PARD3B: variants seen among roughly 807,000 people sequenced by gnomAD.
PARD3B encodes partitioning defective 3 homolog B.
Under a neutral mutation model 130.2 loss-of-function variants are expected in PARD3B, and 103 were observed. The ratio of observed to expected loss-of-function variants is 0.79; its 90% CI spans 0.67 to 0.93. The LOEUF (loss-of-function observed/expected upper bound fraction) is 0.93, where lower values mean the gene tolerates loss of function less well. Among genes scored for constraint, PARD3B ranks in the 40% least tolerant of loss-of-function variants. The probability of loss-of-function intolerance (pLI) is 0.00; values close to 1 mark genes in which losing one functional copy is unlikely to be tolerated. For synonymous variants in PARD3B, 583 were observed against 553.2 expected (o/e 1.05, Z -0.76); for missense variants, 1,609 against 1,499.2 (o/e 1.07, Z -1.21).
intron 2 of PARD3B, among the ~76,000 whole-genome samples, chr2:204,931,823 G>A (rs141536113): frequency 7.2e-5 from 11 of 152,098 alleles, no homozygotes; most frequent in African/African-American, 2.7e-4. Flanking sequence ...CAGTCTAATT[G>A]CTAAAGTTTC....
Position 204,675,972 on chromosome 2 carries a change from C to T in PARD3B, c.121-10209C>T, listed in dbSNP as rs1444235187. Among the ~76,000 whole-genome samples the T allele has an allele frequency of 6.6e-6, 1 of 151,372 alleles. No homozygotes were observed. The highest frequency in any genetic ancestry group is 1.5e-5 in the Non-Finnish European group (1 of 67,950). On this transcript the variant is annotated intron_variant, in intron 1 of 22. Coordinates refer to ENST00000406610, the MANE Select transcript of PARD3B (RefSeq NM_001302769.2). This position sits in a 1 kb window ranked among gnomAD's most constrained non-coding sequence, Gnocchi z 4.4. ...ATGGCTTAACCTTTGTTAAGCCATA[C>T]TGGTTTATACATAATGGTTTATACT...
At chr2:204,975,957 C>T (rs186461532) in intron 3 of PARD3B, among the ~76,000 whole-genome samples, 1 of 152,288 alleles carries the variant, frequency 6.6e-6, no homozygotes, top group Non-Finnish European at 1.5e-5. Context: ...AAGTACCTTC[C>T]TTGACTGCCT....
intron 18 of PARD3B, among the ~76,000 whole-genome samples, chr2:205,362,235 G>C (rs2044416483): frequency 6.6e-6 from 1 of 152,016 alleles, no homozygotes. Flanking sequence ...ATTAAATATA[G>C]GTATTATTAT....
chr2:204,894,674 C>A (rs1253981559), intron 2 of PARD3B, among the ~76,000 whole-genome samples: 2 of 151,844 alleles, frequency 1.3e-5, no homozygotes, highest in African/African-American at 2.4e-5. Flanking sequence ...ACTGTAAAAC[C>A]CAACCCCCAA....
In PARD3B at chr2:204,610,458, C is replaced by T. The variant is rs752340349; in HGVS notation, c.120+64339C>T. Among the ~76,000 whole-genome samples the T allele has an allele frequency of 4.6e-5, 7 of 152,266 alleles. No homozygotes were observed. Among genetic ancestry groups the T allele is most frequent in the South Asian group, 2.1e-4 (1 of 4,826 alleles). ...GCAACCTCGACCTCCCATGTTAAAG[C>T]GATTCTCCTGCGTCAGCCTCCCGAG... On this transcript the variant is annotated intron_variant, in intron 1 of 22. Transcript: ENST00000406610. The surrounding 1 kb of genome is among the most constrained non-coding windows in gnomAD (Gnocchi z 4.1).
rs2053738992 is a variant in PARD3B, at chr2:205,575,838, T to C, written c.3260+22435T>C. Among the ~76,000 whole-genome samples the C allele has an allele frequency of 6.6e-6, 1 of 152,200 alleles. No homozygotes were observed. The highest frequency in any genetic ancestry group is 2.4e-5 in the African/African-American group (1 of 41,456). ...TGAATAAAGATGCTGTAAACGTGTA[T>C]GGGCAGGTTTTCTTGTGGACATAAG... On this transcript the variant is annotated intron_variant, in intron 22 of 22. Coordinates refer to ENST00000406610, the MANE Select transcript of PARD3B (RefSeq NM_001302769.2). The surrounding 1 kb of genome is among the most constrained non-coding windows in gnomAD (Gnocchi z 4.6).
At chr2:204,770,711 A>C (rs1158855516) in intron 2 of PARD3B, among the ~76,000 whole-genome samples, 1 of 151,964 alleles carries the variant, frequency 6.6e-6, no homozygotes, top group Non-Finnish European at 1.5e-5. Flanking sequence ...GAAAAGATCC[A>C]CTACTCATAC....
intron 3 of PARD3B, among the ~76,000 whole-genome samples, chr2:204,998,338 A>C (rs1317566346): frequency 1.4e-5 from 1 of 70,988 alleles, no homozygotes; most frequent in East Asian, 2.7e-4. Context: ...ATATATATAT[A>C]TATATATATA....
chr2:204,755,252 A>G (rs2040617457), intron 2 of PARD3B, among the ~76,000 whole-genome samples: 1 of 152,118 alleles, frequency 6.6e-6, no homozygotes, highest in African/African-American at 2.4e-5. Context: ...ATGGCAGTGA[A>G]CACTAGTGTT....
intron 2 of PARD3B, among the ~76,000 whole-genome samples, chr2:204,760,648 A>G (rs940448520): frequency 6.6e-6 from 1 of 152,100 alleles, no homozygotes; most frequent in African/African-American, 2.4e-5. Flanking sequence ...TCTCTCTTTT[A>G]AATACCTTGC....
chr2:205,009,105 C>T (rs1364877131), intron 3 of PARD3B, among the ~76,000 whole-genome samples: 2 of 152,054 alleles, frequency 1.3e-5, no homozygotes, highest in Non-Finnish European at 2.9e-5. Flanking sequence ...TTATGCAATA[C>T]CTTATTTTTG....
intron 2 of PARD3B, among the ~76,000 whole-genome samples, chr2:204,813,569 A>G (rs2043039870): frequency 6.6e-6 from 1 of 152,070 alleles, no homozygotes; most frequent in African/African-American, 2.4e-5. Context: ...TTTTAGTGTC[A>G]TGTCTAAGAA....
chr2:204,551,286 G>C (rs975182154), intron 1 of PARD3B, among the ~76,000 whole-genome samples: 11 of 152,174 alleles, frequency 7.2e-5, no homozygotes, highest in African/African-American at 2.7e-4. Context: ...AAGCAAATTG[G>C]AAGCTCTGAC....
intron 4 of PARD3B, chr2:205,103,751 C>G (rs1420034287): frequency 1.0e-6 from 1 of 984,884 alleles, no homozygotes; most frequent in Non-Finnish European, 1.2e-6. Flanking sequence ...AGAATCCATC[C>G]TCTCCTCTGC....
At chr2:204,700,615 G>T (rs2125275441) in intron 2 of PARD3B, among the ~76,000 whole-genome samples, 1 of 152,182 alleles carries the variant, frequency 6.6e-6, no homozygotes, top group African/African-American at 2.4e-5. Flanking sequence ...CTACAAGCAT[G>T]CATAAAACCT....
At chr2:205,466,565 A>T (rs907199892) in intron 20 of PARD3B, among the ~76,000 whole-genome samples, 1 of 152,194 alleles carries the variant, frequency 6.6e-6, no homozygotes, top group African/African-American at 2.4e-5. Flanking sequence ...GAAAAGTTTT[A>T]TTAATACAAC....
chr2:204,561,659 G>A (rs558016238), intron 1 of PARD3B, among the ~76,000 whole-genome samples: 4 of 150,308 alleles, frequency 2.7e-5, no homozygotes, highest in Admixed American at 6.6e-5. Context: ...ACAGTGGTGC[G>A]ATCTTGGCTC....
At chr2:205,162,501 T>C (rs2034562022) in intron 11 of PARD3B, among the ~76,000 whole-genome samples, 1 of 152,282 alleles carries the variant, frequency 6.6e-6, no homozygotes, top group Non-Finnish European at 1.5e-5. Flanking sequence ...GTTTGTGGTT[T>C]CATTTAGTTA....
intron 3 of PARD3B, among the ~76,000 whole-genome samples, chr2:205,023,393 T>A (rs193289356): frequency 5.7e-4 from 86 of 150,876 alleles, no homozygotes; most frequent in Middle Eastern, 3.5e-3. Flanking sequence ...AAGAGAAGGC[T>A]GAGGAGTTGC....
Sources: allele counts gnomAD v4.1 joint callset (sites outside exome capture counted in the v4.1 genomes callset), GRCh38; gene constraint gnomAD v4.1.1; non-coding constraint Gnocchi (gnomAD v3.1); transcripts MANE v1.5; gene names NCBI Gene and HGNC (gene_info 2026-07-23, HGNC 2026-07-21).